Variants in NUP210L observed in about 807,000 individuals in gnomAD.
The protein encoded by NUP210L is nuclear pore membrane glycoprotein 210-like.
NUP210L carries 74 observed loss-of-function variants against 208.5 expected under a neutral mutation model. That is an observed-to-expected ratio of 0.35 (90% CI 0.29 to 0.43). The LOEUF (loss-of-function observed/expected upper bound fraction) is 0.43. Ranked by LOEUF, NUP210L falls within the 20% of genes least tolerant of loss-of-function variation. The probability of loss-of-function intolerance (pLI) is 1.00; values close to 1 mark genes in which losing one functional copy is unlikely to be tolerated. For missense variants in NUP210L, 1,843 were observed against 2,289.4 expected, an observed-to-expected ratio of 0.81 and a Z score of 3.98; for synonymous variants, 780 against 816.9, an observed-to-expected ratio of 0.95 and a Z score of 0.77.
chr1:154,093,572 C>T (rs1002654184), intron 15 of NUP210L, among the ~76,000 whole-genome samples: 5 of 152,286 alleles, frequency 3.3e-5, no homozygotes, highest in African/African-American at 1.2e-4. Flanking sequence ...GAGCTACGAT[C>T]GTTCCACTAC....
chr1:154,011,727 C>T (rs1292482153), intron 34 of NUP210L, among the ~76,000 whole-genome samples: 4 of 142,348 alleles, frequency 2.8e-5, no homozygotes, highest in South Asian at 2.3e-4. Flanking sequence ...CTCACTCTGC[C>T]GCCTAGGCTG....
intron 33 of NUP210L, among the ~76,000 whole-genome samples, chr1:154,016,828 T>C (rs1198038110): frequency 6.6e-6 from 1 of 151,886 alleles, no homozygotes; most frequent in Non-Finnish European, 1.5e-5. Flanking sequence ...TAGCTGGGCA[T>C]GGCGGCATGC....
Position 154,135,425 on chromosome 1 carries a change from CT to C in NUP210L, c.1009+388del, listed in dbSNP as rs1210397395. Among the ~76,000 whole-genome samples the C allele has an allele frequency of 3.3e-3, 481 of 144,276 alleles. 1 individual carries two copies. The highest frequency in any genetic ancestry group is 6.2e-3 in the African/African-American group (246 of 39,766). 94.7% of individuals were successfully genotyped at this position (144,276 alleles called of 152,430 possible). A position where few individuals can be genotyped will look rare whatever the true frequency, so the allele number is the denominator to read the frequency against. On this transcript the variant is annotated intron_variant, in intron 7 of 39. Coordinates refer to ENST00000368559, the Ensembl canonical transcript of NUP210L. ...GAAAACACTGTAGTAGTATTATAAT[CT>C]TTTTTTTTTTTTTGAGACGGAGTCT...
intron 17 of NUP210L, among the ~76,000 whole-genome samples, chr1:154,066,566 G>A (rs1371056508): frequency 3.3e-5 from 5 of 152,200 alleles, no homozygotes. Context: ...AGCTGAGATA[G>A]TGCCCCTGCA....
At chr1:154,054,709 TGA>T (rs373373242) in intron 24 of NUP210L, 59 bp downstream of exon 24, 6,472 of 962,088 alleles carry the variant, frequency 6.7e-3, no homozygotes, top group Non-Finnish European at 7.9e-3. Flanking sequence ...TGTGTGTGTG[TGA>T]GAGAGAGAGA....
intron 27 of NUP210L, among the ~76,000 whole-genome samples, chr1:154,037,396 T>G (rs1296120775): frequency 1.3e-5 from 2 of 152,208 alleles, no homozygotes; most frequent in Non-Finnish European, 2.9e-5. Context: ...ATAATTGTTA[T>G]GTCCTCTTGC....
chr1:154,036,587 A>T (rs1238593306), intron 27 of NUP210L, among the ~76,000 whole-genome samples: 1 of 150,778 alleles, frequency 6.6e-6, no homozygotes, highest in African/African-American at 2.4e-5. Context: ...CTGGTCTCAA[A>T]CTCCTGACCT....
At chr1:154,022,952 C>T (rs559941318) in intron 31 of NUP210L, among the ~76,000 whole-genome samples, 170 bp downstream of exon 31, 63 of 152,146 alleles carry the variant, frequency 4.1e-4, no homozygotes, top group Admixed American at 2.4e-3. Context: ...GCTGAGGTTA[C>T]AGGTGTGAGC....
intron 27 of NUP210L, among the ~76,000 whole-genome samples, chr1:154,045,031 A>G (rs762806289): frequency 9.2e-5 from 14 of 152,174 alleles, no homozygotes; most frequent in Admixed American, 2.0e-4. Context: ...CAGATACAGC[A>G]GGTAGTGAAT....
chr1:154,046,403 A>G (rs1400893517), intron 25 of NUP210L, 34 bp from the exon 26 acceptor site: 1 of 1,571,844 alleles, frequency 6.4e-7, no homozygotes, highest in East Asian at 2.2e-5. Flanking sequence ...GCTTAGGCTA[A>G]GAGGGAGTTT....
intron 37 of NUP210L, among the ~76,000 whole-genome samples, chr1:153,998,708 C>CTTTTT (rs34457474): frequency 3.6e-5 from 4 of 109,834 alleles, no homozygotes; most frequent in Non-Finnish European, 5.3e-5. Flanking sequence ...TCTAGAGATC[C>CTTTTT]TTTTTTTTTT....
intron 10 of NUP210L, among the ~76,000 whole-genome samples, chr1:154,125,757 T>G (rs1439447790): frequency 0.016 from 142 of 8,882 alleles, 27 homozygotes; most frequent in African/African-American, 0.094. Flanking sequence ...GAAATGTTTT[T>G]TTTTTTTTTT....
chr1:154,071,123 G>GTATC (rs1654700573), intron 16 of NUP210L, among the ~76,000 whole-genome samples: 1 of 150,324 alleles, frequency 6.7e-6, no homozygotes, highest in Admixed American at 6.6e-5. Context: ...TTGAGACAGG[G>GTATC]TATCTCTCAG....
intron 17 of NUP210L, among the ~76,000 whole-genome samples, chr1:154,065,892 CAAAAAAAA>C (rs58053478): frequency 2.8e-4 from 17 of 61,116 alleles, no homozygotes; most frequent in East Asian, 1.0e-3. Context: ...GACTCTGTCT[CAAAAAAAA>C]AAAAAAAAAA....
intron 15 of NUP210L, among the ~76,000 whole-genome samples, chr1:154,092,536 GT>G (rs1270827605): frequency 7.2e-6 from 1 of 139,120 alleles, no homozygotes; most frequent in Non-Finnish European, 1.6e-5. Context: ...TACCTGGCTA[GT>G]TTTTTGTTTT....
At chr1:154,138,445 A>G (rs6659053) in intron 5 of NUP210L, among the ~76,000 whole-genome samples, 46,613 of 152,076 alleles carry the variant, frequency 0.31, 7,990 homozygotes, top group Admixed American at 0.45. Flanking sequence ...ACTTTCTAAG[A>G]TACTCAGACT....
intron 16 of NUP210L, among the ~76,000 whole-genome samples, chr1:154,073,978 C>T (rs1654910921): frequency 6.6e-6 from 1 of 151,456 alleles, no homozygotes; most frequent in African/African-American, 2.4e-5. Context: ...GTATTAACAC[C>T]ATAGAATTTG....
intron 17 of NUP210L, among the ~76,000 whole-genome samples, chr1:154,069,745 T>C (rs551259261): frequency 2.0e-5 from 3 of 152,314 alleles, no homozygotes; most frequent in East Asian, 3.9e-4. Flanking sequence ...TAAAGACACA[T>C]GCACACGTAT....
intron 2 of NUP210L, among the ~76,000 whole-genome samples, chr1:154,152,264 G>A (rs1192463723): frequency 4.0e-5 from 6 of 150,978 alleles, no homozygotes; most frequent in Admixed American, 1.3e-4. Flanking sequence ...TGTGTCTCCC[G>A]GGTTCAAGCG....
Sources: allele counts gnomAD v4.1 joint callset (sites outside exome capture counted in the v4.1 genomes callset), GRCh38; gene constraint gnomAD v4.1.1; transcripts MANE v1.5; gene names NCBI Gene and HGNC (gene_info 2026-07-23, HGNC 2026-07-21).